GRM7: variants seen among roughly 807,000 people sequenced by gnomAD.
The protein encoded by GRM7 is glutamate metabotropic receptor 7, also known as metabotropic glutamate receptor 7.
In GRM7, 35 loss-of-function variants were observed where a neutral mutation model predicts 84.5. That is an observed-to-expected ratio of 0.41 (90% CI 0.32 to 0.55). The LOEUF (loss-of-function observed/expected upper bound fraction) is 0.55, where lower values mean the gene tolerates loss of function less well. Among genes scored for constraint, GRM7 ranks in the 20% least tolerant of loss-of-function variants. The pLI, the probability that GRM7 is intolerant of heterozygous loss-of-function variation, is 0.19. For synonymous variants in GRM7, 487 were observed against 455.1 expected, an observed-to-expected ratio of 1.07 and a Z score of -0.89; for missense variants, 1,003 against 1,194.6, an observed-to-expected ratio of 0.84 and a Z score of 2.36.
intron 1 of GRM7, among the ~76,000 whole-genome samples, chr3:7,042,623 T>C (rs1696668814): frequency 6.6e-6 from 1 of 152,044 alleles, no homozygotes; most frequent in Non-Finnish European, 1.5e-5. Flanking sequence ...TAATTTTATC[T>C]GGAGTATTTT....
At chr3:7,104,163 C>T (rs1375769617) in intron 1 of GRM7, among the ~76,000 whole-genome samples, 1 of 151,530 alleles carries the variant, frequency 6.6e-6, no homozygotes, top group African/African-American at 2.4e-5. Context: ...CTTTCTCTTT[C>T]TCTTTTCATG....
At chr3:6,950,500 G>T (rs1692705673) in intron 1 of GRM7, among the ~76,000 whole-genome samples, 1 of 152,212 alleles carries the variant, frequency 6.6e-6, no homozygotes. Flanking sequence ...CTGCTGGGGG[G>T]TCAGGGACCC....
chr3:7,086,107 A>AC (rs1698450589), intron 1 of GRM7, among the ~76,000 whole-genome samples: 1 of 151,856 alleles, frequency 6.6e-6, no homozygotes, highest in Non-Finnish European at 1.5e-5. Context: ...GCTAAGCACA[A>AC]CCACAGACAC....
intron 2 of GRM7, among the ~76,000 whole-genome samples, chr3:7,154,977 T>C (rs1024777283): frequency 5.3e-5 from 8 of 152,132 alleles, no homozygotes; most frequent in Non-Finnish European, 1.2e-4. Context: ...TATATGTATA[T>C]TGGAAAGATA....
intron 4 of GRM7, among the ~76,000 whole-genome samples, chr3:7,315,492 C>G (rs1700550856): frequency 6.6e-6 from 1 of 152,176 alleles, no homozygotes. Context: ...CTAGCAATGC[C>G]TCCCTATTCT....
At position 7,099,813 on chromosome 3, in the gene GRM7, A is replaced by G. The variant is rs926742878; in HGVS notation, c.520-46639A>G. On this transcript the variant is annotated intron_variant, in intron 1 of 9. Coordinates refer to ENST00000357716, the MANE Select transcript of GRM7 (RefSeq NM_000844.4). Reference sequence around the variant, plus strand: ...ACATACATGTATATGTACACGCATTATACATGTGCACATACATGTATATGT... The same window carrying G: ...ACATACATGTATATGTACACGCATTGTACATGTGCACATACATGTATATGT... 1.6e-5 allele frequency among the ~76,000 whole-genome samples: 2 copies of G among 121,934 alleles called. 1 individual carries two copies. Among genetic ancestry groups the G allele is most frequent in the Non-Finnish European group, 3.2e-5 (2 of 62,222 alleles). The allele number at this position is 121,934 out of a possible 152,430, so 80.0% of individuals were successfully genotyped here.
At chr3:7,423,782 A>C (rs941538487) in intron 5 of GRM7, among the ~76,000 whole-genome samples, 1 of 152,134 alleles carries the variant, frequency 6.6e-6, no homozygotes, top group African/African-American at 2.4e-5. Flanking sequence ...TCTCCAGATA[A>C]AAACTTTCTA....
At chr3:7,421,544 T>A (rs1160525951) in intron 5 of GRM7, among the ~76,000 whole-genome samples, 1 of 152,126 alleles carries the variant, frequency 6.6e-6, no homozygotes, top group Non-Finnish European at 1.5e-5. Flanking sequence ...GATTTTTTTT[T>A]AAAGCCCAGG....
chr3:7,350,081 G>A lies in GRM7; in HGVS notation c.1033+43429G>A, dbSNP rs539186409. Reference sequence around the variant, plus strand: ...CATTGCTGGGATTATTGACCCTTGCGTAAGTACCTAATCACAAAACATAAG... The same window carrying A: ...CATTGCTGGGATTATTGACCCTTGCATAAGTACCTAATCACAAAACATAAG... On this transcript the variant is annotated intron_variant, in intron 4 of 9. Transcript: ENST00000357716. Among the ~76,000 whole-genome samples, 12 of 152,164 alleles carry A rather than the reference G, an allele frequency of 7.9e-5. No homozygotes were observed. In the South Asian group the frequency reaches 1.0e-3, roughly 13 times the overall value.
At chr3:7,053,442 C>A (rs528491990) in intron 1 of GRM7, among the ~76,000 whole-genome samples, 195 of 151,602 alleles carry the variant, frequency 1.3e-3, no homozygotes, top group African/African-American at 4.4e-3. Context: ...TCTTTTGTGT[C>A]CTGTTTAAGA....
chr3:7,185,306 A>C (rs780852438), intron 2 of GRM7, among the ~76,000 whole-genome samples: 7 of 152,140 alleles, frequency 4.6e-5, no homozygotes, highest in Non-Finnish European at 1.0e-4. Context: ...TGCCAACGAG[A>C]GTTGAGAAGT....
At chr3:7,556,179 G>A (rs1693747218) in intron 7 of GRM7, among the ~76,000 whole-genome samples, 1 of 152,104 alleles carries the variant, frequency 6.6e-6, no homozygotes, top group Non-Finnish European at 1.5e-5. Flanking sequence ...TGGTAGAAAG[G>A]ACAAGGCACC....
intron 2 of GRM7, among the ~76,000 whole-genome samples, chr3:7,269,937 C>T (rs1217922700): frequency 6.6e-6 from 1 of 152,174 alleles, no homozygotes; most frequent in Non-Finnish European, 1.5e-5. Flanking sequence ...GTCCCCTAAT[C>T]TTTTGTGTTT....
chr3:7,542,971 A>G lies in GRM7; in HGVS notation c.1516-35451A>G, dbSNP rs926890419. Among the ~76,000 whole-genome samples, 15 of 152,266 alleles carry G rather than the reference A, an allele frequency of 9.9e-5. No individual in the cohort carries two copies. The East Asian group carries it at 2.9e-3, about 29-fold the overall frequency. ...CATACCCTCAAACATAAACTCTATG[A>G]AGGGCTGGTATCCTGACTCTCTGGT... On this transcript the variant is annotated intron_variant, in intron 7 of 9. Coordinates refer to ENST00000357716, the MANE Select transcript of GRM7 (RefSeq NM_000844.4).
At position 7,683,402 on chromosome 3, in the gene GRM7, C is replaced by A. The variant is rs554235574; in HGVS notation, c.2698+3107C>A. Among the ~76,000 whole-genome samples the A allele has an allele frequency of 9.8e-4, 149 of 152,218 alleles. 1 individual carries two copies. Among genetic ancestry groups the A allele is most frequent in the African/African-American group, 3.0e-3 (124 of 41,548 alleles). On this transcript the variant is annotated intron_variant, in intron 9 of 9. Transcript: ENST00000357716. ...TCAGAAAAATAAAATAAAATAGAGT[C>A]TTTTTCTCACCACCAGCTGGAAAGA...
At chr3:6,943,219 C>T (rs1023893313) in intron 1 of GRM7, among the ~76,000 whole-genome samples, 3 of 151,490 alleles carry the variant, frequency 2.0e-5, no homozygotes, top group Non-Finnish European at 4.4e-5. Flanking sequence ...GTGATAAAGT[C>T]TAATTTATAT....
chr3:6,952,986 A>G (rs1038874842), intron 1 of GRM7, among the ~76,000 whole-genome samples: 11 of 152,242 alleles, frequency 7.2e-5, no homozygotes, highest in Admixed American at 2.0e-4. Flanking sequence ...TTAATGAAAT[A>G]AAGAAGATTC....
At chr3:7,526,453 C>T (rs1292543545) in intron 7 of GRM7, among the ~76,000 whole-genome samples, 1 of 152,066 alleles carries the variant, frequency 6.6e-6, no homozygotes, top group Non-Finnish European at 1.5e-5. Context: ...GCATAGTTTA[C>T]AAATACTTTC....
intron 1 of GRM7, among the ~76,000 whole-genome samples, chr3:7,006,403 C>G (rs1262735989): frequency 6.6e-6 from 1 of 152,146 alleles, no homozygotes; most frequent in South Asian, 2.1e-4. Context: ...TCAATGGGAA[C>G]GCCCACAGAG....
Sources: allele counts gnomAD v4.1 joint callset (sites outside exome capture counted in the v4.1 genomes callset), GRCh38; gene constraint gnomAD v4.1.1; transcripts MANE v1.5; gene names NCBI Gene and HGNC (gene_info 2026-07-23, HGNC 2026-07-21).